Variants in CHODL observed in about 807,000 individuals in gnomAD.
The protein encoded by CHODL is transmembrane protein MT75.
A neutral mutation model predicts 34.5 loss-of-function variants in CHODL; 29 were observed. The ratio of observed to expected loss-of-function variants is 0.84; its 90% CI spans 0.63 to 1.15. The LOEUF is 1.15. CHODL is among the 50% of genes most tolerant of loss of function. The pLI, the probability that CHODL is intolerant of heterozygous loss-of-function variation, is 0.00. For missense variants in CHODL, 332 were observed against 332.5 expected, an observed-to-expected ratio of 1.00 and a Z score of 0.01; for synonymous variants, 125 against 116.1, an observed-to-expected ratio of 1.08 and a Z score of -0.49.
intron 2 of CHODL, among the ~76,000 whole-genome samples, chr21:18,060,950 G>A (rs531299896): frequency 4.6e-5 from 7 of 152,262 alleles, no homozygotes; most frequent in South Asian, 4.1e-4. Context: ...AGAAATCTCC[G>A]AAGCTCGGTG....
intron 1 of CHODL, among the ~76,000 whole-genome samples, chr21:17,977,993 A>C (rs2063680237): frequency 6.6e-6 from 1 of 151,014 alleles, no homozygotes; most frequent in African/African-American, 2.4e-5. Flanking sequence ...AGGGGAATAT[A>C]TTTGTTTTCT....
intron 1 of CHODL, among the ~76,000 whole-genome samples, chr21:17,992,718 G>GTTTTTTTTT (rs869044440): frequency 5.2e-5 from 3 of 57,222 alleles, no homozygotes; most frequent in Non-Finnish European, 9.6e-5. Flanking sequence ...TGGTGGAGTT[G>GTTTTTTTTT]TTTTTTTTTT....
At chr21:18,064,777 G>A (rs894309822) in intron 2 of CHODL, among the ~76,000 whole-genome samples, 4 of 151,906 alleles carry the variant, frequency 2.6e-5, no homozygotes, top group Admixed American at 6.6e-5. Context: ...GCACACACAC[G>A]TATGTAAATA....
chr21:18,207,960 T>A (rs1025757542), intron 2 of CHODL, among the ~76,000 whole-genome samples: 1 of 152,114 alleles, frequency 6.6e-6, no homozygotes, highest in African/African-American at 2.4e-5. Context: ...TTATATCTGC[T>A]TAGTGTTCTA....
At chr21:18,243,669 G>A (rs946177886), upstream of CHODL, among the ~76,000 whole-genome samples, 6 of 151,936 alleles carry the variant, frequency 3.9e-5, no homozygotes, top group African/African-American at 1.2e-4. Context: ...GACTCCAGAC[G>A]GAGCTAGAAT....
chr21:18,202,224 A>G (rs573138687), intron 2 of CHODL, among the ~76,000 whole-genome samples: 1 of 152,356 alleles, frequency 6.6e-6, no homozygotes, highest in Non-Finnish European at 1.5e-5. Context: ...TCTGAAATTA[A>G]TCATTTAATA....
At position 17,919,003 on chromosome 21, in the gene CHODL, A is replaced by G. The variant is rs572874901; in HGVS notation, c.-145+1603A>G. 5.3e-5 allele frequency among the ~76,000 whole-genome samples: 8 copies of G among 152,340 alleles called. No individual in the cohort carries two copies. The East Asian group carries it at 9.7e-4, about 18-fold the overall frequency. On this transcript the variant is annotated intron_variant, in intron 1 of 6. Transcript: ENST00000400127. Reference sequence around the variant, plus strand: ...TCCTTTAACTCCATGCCTCACACCCAGGTCATGCTGATGTGAGAGGTGGGC... The same window carrying G: ...TCCTTTAACTCCATGCCTCACACCCGGGTCATGCTGATGTGAGAGGTGGGC...
chr21:18,103,450 C>T (rs1275509234), intron 2 of CHODL, among the ~76,000 whole-genome samples: 13 of 152,000 alleles, frequency 8.6e-5, no homozygotes, highest in Non-Finnish European at 1.5e-4. Context: ...TTATATACTG[C>T]CAAATAAAGA....
chr21:18,070,923 C>T (rs1361363114), intron 2 of CHODL, among the ~76,000 whole-genome samples: 1 of 151,538 alleles, frequency 6.6e-6, no homozygotes, highest in Non-Finnish European at 1.5e-5. Flanking sequence ...ATGTTCTCTT[C>T]CTGCATTACT....
chr21:18,137,336 T>G (rs1191470917), intron 2 of CHODL, among the ~76,000 whole-genome samples: 1 of 152,140 alleles, frequency 6.6e-6, no homozygotes, highest in Non-Finnish European at 1.5e-5. Flanking sequence ...AGAAATCAAC[T>G]AAACATAACT....
chr21:18,074,578 T>C (rs2064843424), intron 2 of CHODL, among the ~76,000 whole-genome samples: 1 of 152,196 alleles, frequency 6.6e-6, no homozygotes, highest in African/African-American at 2.4e-5. Flanking sequence ...GCTTGACTAA[T>C]TGATTCAAAT....
At chr21:18,188,700 A>T (rs1164754337) in intron 2 of CHODL, among the ~76,000 whole-genome samples, 1 of 152,226 alleles carries the variant, frequency 6.6e-6, no homozygotes, top group Non-Finnish European at 1.5e-5. Context: ...GGGAAAAGCC[A>T]TTGTGTTATG....
At chr21:18,176,983 A>C (rs1166416145) in intron 2 of CHODL, among the ~76,000 whole-genome samples, 2 of 152,172 alleles carry the variant, frequency 1.3e-5, no homozygotes, top group South Asian at 4.1e-4. Flanking sequence ...TTGTTGGGGT[A>C]AGGGATTAGA....
In CHODL at chr21:18,113,808, G is replaced by A. The variant is rs1453796194; in HGVS notation, c.-45+85837G>A. ...CTGCAGAGTATATACTCATAAGAAAGGAAAGCAGTATATTGAAGAGATATC... is the reference window on the plus strand; with the variant it reads ...CTGCAGAGTATATACTCATAAGAAAAGAAAGCAGTATATTGAAGAGATATC... On this transcript the variant is annotated intron_variant, in intron 2 of 6. Coordinates refer to the CHODL transcript ENST00000400127. Among the ~76,000 whole-genome samples, 3 of 152,258 alleles carry A rather than the reference G, an allele frequency of 2.0e-5. No homozygotes were observed. The East Asian group carries it at 5.8e-4, about 29-fold the overall frequency.
intron 2 of CHODL, among the ~76,000 whole-genome samples, chr21:18,159,357 G>T (rs1006679197): frequency 6.6e-6 from 1 of 152,064 alleles, no homozygotes; most frequent in Admixed American, 6.6e-5. Context: ...TTTAATATGG[G>T]AACTATTTTG....
chr21:17,918,805 G>A (rs1241186715), intron 1 of CHODL, among the ~76,000 whole-genome samples: 9 of 152,156 alleles, frequency 5.9e-5, no homozygotes, highest in Admixed American at 5.9e-4. Flanking sequence ...TTCTGCCTAC[G>A]AGCCTGTAAA....
chr21:17,924,296 G>T (rs1221011980), intron 1 of CHODL, among the ~76,000 whole-genome samples: 3 of 152,204 alleles, frequency 2.0e-5, no homozygotes, highest in Non-Finnish European at 2.9e-5. Context: ...GCAGCCAGAA[G>T]CCCAAGGGCC....
intron 2 of CHODL, among the ~76,000 whole-genome samples, chr21:18,142,459 G>A (rs1388762331): frequency 6.6e-6 from 1 of 152,092 alleles, no homozygotes; most frequent in Non-Finnish European, 1.5e-5. Flanking sequence ...TACAATGTTG[G>A]TATTCTTAAT....
At chr21:18,160,160 T>A (rs2073078874) in intron 2 of CHODL, among the ~76,000 whole-genome samples, 1 of 152,058 alleles carries the variant, frequency 6.6e-6, no homozygotes, top group Non-Finnish European at 1.5e-5. Context: ...TTTCTTTAAA[T>A]CACAGATGGG....
Sources: gnomAD v4.1 joint callset for allele counts (sites outside exome capture counted in the v4.1 genomes callset) on GRCh38, gnomAD v4.1.1 for gene constraint, MANE v1.5 for transcripts, NCBI Gene and HGNC (gene_info 2026-07-23, HGNC 2026-07-21) for gene names.